The following C2orf42 variants were observed in gnomAD, a reference collection of about 807,000 sequenced individuals.
C2orf42 encodes the protein uncharacterized protein C2orf42.
C2orf42 carries 44 observed loss-of-function variants against 58.9 expected under a neutral mutation model. The ratio of observed to expected loss-of-function variants is 0.75; its 90% CI spans 0.59 to 0.96. The LOEUF (loss-of-function observed/expected upper bound fraction) is 0.96, where lower values mean the gene tolerates loss of function less well. C2orf42 is among the 40% of genes least tolerant of loss of function. The pLI is 0.00. For synonymous variants in C2orf42, 239 were observed against 265.4 expected (o/e 0.90, Z 0.97); for missense variants, 630 against 699.2 (o/e 0.90, Z 1.12).
intron 5 of C2orf42, among the ~76,000 whole-genome samples, chr2:70,175,188 C>T (rs904021133): frequency 6.6e-6 from 1 of 152,204 alleles, no homozygotes; most frequent in African/African-American, 2.4e-5. Context: ...CCTCGAACTG[C>T]TGGCCTCAAG....
At chr2:70,150,587 A>G in intron 9 of C2orf42, 23 bp from the exon 10 acceptor site, 1 of 1,573,068 alleles carries the variant, frequency 6.4e-7, no homozygotes, top group Admixed American at 1.7e-5. Context: ...AAGGAGTATT[A>G]GTACAATTCC....
At position 70,160,814 on chromosome 2, in the gene C2orf42, A is replaced by C. The variant is rs202118682; in HGVS notation, c.1354-27T>G. On this transcript the variant is annotated intron_variant, in intron 8 of 9. Coordinates refer to ENST00000264434, the MANE Select transcript of C2orf42 (RefSeq NM_017880.3). ...TGGACACCAAGACAATACCAAAAAA[A>C]GGTGAGAGAGAAAACTTTCAAAACA... The C allele has an allele frequency of 7.9e-6, 12 of 1,517,756 alleles. No homozygotes were observed. The South Asian group carries it at 1.0e-4, about 13-fold the overall frequency. 94.0% of individuals were successfully genotyped at this position (1,517,756 alleles called of 1,614,324 possible).
At chr2:70,177,775 C>A (rs752997596) in intron 4 of C2orf42, among the ~76,000 whole-genome samples, 3 of 152,208 alleles carry the variant, frequency 2.0e-5, no homozygotes, top group Non-Finnish European at 4.4e-5. Context: ...GTGGCTTACA[C>A]CTGTAATTCC....
chr2:70,162,254 G>A (rs1234310827), intron 8 of C2orf42, among the ~76,000 whole-genome samples: 1 of 151,744 alleles, frequency 6.6e-6, no homozygotes, highest in Non-Finnish European at 1.5e-5. Flanking sequence ...CAGGTGATCT[G>A]CCCACCTTGG....
intron 5 of C2orf42, 118 bp downstream of exon 5, chr2:70,175,555 C>G: frequency 1.4e-6 from 1 of 736,844 alleles, no homozygotes; most frequent in East Asian, 2.5e-5. Flanking sequence ...AGCCTCAGTG[C>G]TTCTGTTAGT....
At chr2:70,180,607 CAA>C (rs59381817) in intron 3 of C2orf42, among the ~76,000 whole-genome samples, 4 of 57,062 alleles carry the variant, frequency 7.0e-5, no homozygotes, top group Admixed American at 2.3e-4. Flanking sequence ...GATTCTGTCT[CAA>C]AAAAAAAAAA....
rs1375679803 is a variant in C2orf42, at chr2:70,181,826, C to A, written c.160G>T (p.Gly54Cys). 4 of 1,614,000 alleles carry A rather than the reference C, an allele frequency of 2.5e-6. No homozygotes were observed. The highest frequency in any genetic ancestry group is 3.4e-6 in the Non-Finnish European group (4 of 1,180,032). ...TCAACACTAGGCTGCTTGCGTGCACCGTAGCGGAATATGGTTCCACATGTC... is the reference window on the plus strand; with the variant it reads ...TCAACACTAGGCTGCTTGCGTGCACAGTAGCGGAATATGGTTCCACATGTC... ...NKTCGTIFRY[G>C]ARKQPSVEAV... The change falls in exon 3 of 10, where the codon GGT becomes TGT. Residue 54 changes from glycine to cysteine, a missense_variant. By Grantham distance (159) the Gly-to-Cys change is radical. Coordinates refer to ENST00000264434, the MANE Select transcript of C2orf42 (RefSeq NM_017880.3).
At chr2:70,151,087 C>T (rs879813010) in intron 9 of C2orf42, among the ~76,000 whole-genome samples, 3 of 152,188 alleles carry the variant, frequency 2.0e-5, no homozygotes, top group Admixed American at 1.3e-4. Flanking sequence ...CATGGTAGTT[C>T]ATGCCTGTAA....
chr2:70,156,667 G>A (rs976020680), intron 9 of C2orf42, among the ~76,000 whole-genome samples: 13 of 151,996 alleles, frequency 8.6e-5, no homozygotes, highest in Admixed American at 5.3e-4. Context: ...CAAGACCAGC[G>A]TGGGCAACAG....
In C2orf42 at chr2:70,175,705, T is replaced by G. The variant is rs140054933; in HGVS notation, c.1007A>C (p.Lys336Thr). 2.2e-5 allele frequency: 36 copies of G among 1,612,492 alleles called. No individual in the cohort carries two copies. Among genetic ancestry groups the G allele is most frequent in the Non-Finnish European group, 2.9e-5 (34 of 1,178,668 alleles). Residue 336 changes from lysine (K) to threonine (T), a missense_variant, in exon 5 of 10, where the codon AAG becomes ACG. Coordinates refer to ENST00000264434, the MANE Select transcript of C2orf42 (RefSeq NM_017880.3). The stretch of plus-strand genomic sequence containing the variant: ...TTTTAACGAGGAAGCAACCACAGGC[T>G]TTTTCAGGCCACTTTTCCTTAGATT... ...SSNLRKSGLK[K>T]PVVASSLKRQ... is the part of the protein sequence containing the mutation.
At chr2:70,175,054 T>C (rs1674095574) in intron 5 of C2orf42, among the ~76,000 whole-genome samples, 1 of 152,178 alleles carries the variant, frequency 6.6e-6, no homozygotes, top group African/African-American at 2.4e-5. Flanking sequence ...TTTTTAAAAA[T>C]TATTTTTTTA....
chr2:70,176,084 T>C (rs1468808649), intron 4 of C2orf42, among the ~76,000 whole-genome samples: 2 of 152,232 alleles, frequency 1.3e-5, no homozygotes, highest in African/African-American at 2.4e-5. Context: ...GAATATGTTA[T>C]TGGTTTTGTG....
rs1466693233 is a variant in C2orf42 at position 70,165,075 on chromosome 2, T to G, written c.1353+17A>C. Reference sequence around the variant, plus strand: ...TCCCTTCACAACCCTCCCACTGTTATAGAAATAAACTCTCACCTCTGGGGT... The same window carrying G: ...TCCCTTCACAACCCTCCCACTGTTAGAGAAATAAACTCTCACCTCTGGGGT... On this transcript the variant is annotated intron_variant, in intron 8 of 9. Transcript: ENST00000264434. 2 of 1,389,206 alleles carry G rather than the reference T, an allele frequency of 1.4e-6. No homozygotes were observed. The highest frequency in any genetic ancestry group is 3.6e-5 in the Admixed American group (2 of 55,384). The allele number at this position is 1,389,206 out of a possible 1,614,324, so 86.1% of individuals were successfully genotyped here.
At chr2:70,151,401 T>G (rs918543484) in intron 9 of C2orf42, among the ~76,000 whole-genome samples, 1 of 151,984 alleles carries the variant, frequency 6.6e-6, no homozygotes, top group African/African-American at 2.4e-5. Context: ...TGTGGGAGGC[T>G]GAGGTGGGCG....
intron 8 of C2orf42, among the ~76,000 whole-genome samples, chr2:70,161,632 G>A (rs1320868440): frequency 1.3e-5 from 2 of 151,974 alleles, no homozygotes; most frequent in African/African-American, 4.8e-5. Flanking sequence ...CCTGAGGTCG[G>A]GAGTTTGAGA....
rs1672246271 is a variant in C2orf42 at position 70,150,556 on chromosome 2, A to G, written c.1525T>C (p.Ser509Pro). 1 of 1,612,374 alleles carries G rather than the reference A, an allele frequency of 6.2e-7. No individual in the cohort carries two copies. Residue 509 changes from serine to proline, a missense_variant, in exon 10 of 10, where the codon TCC (serine) becomes CCC (proline). By Grantham distance (74) the Ser-to-Pro change is moderately conservative. Coordinates refer to ENST00000264434, the MANE Select transcript of C2orf42 (RefSeq NM_017880.3). ...LKTFLKVGNT[S>P]PDQKEPTPFI... Reference sequence around the variant, plus strand: ...GGTGTTGGCTCCTTTTGATCTGGGGAAGTGTTGCCTAAAGAGAAGAAAGGA... The same window carrying G: ...GGTGTTGGCTCCTTTTGATCTGGGGGAGTGTTGCCTAAAGAGAAGAAAGGA...
chr2:70,187,722 A>C (rs1357525123), intron 1 of C2orf42, among the ~76,000 whole-genome samples: 1 of 151,072 alleles, frequency 6.6e-6, no homozygotes, highest in African/African-American at 2.4e-5. Context: ...ACGGAGTCTC[A>C]CTTTGTCACC....
chr2:70,153,421 C>T (rs1672434625), intron 9 of C2orf42, among the ~76,000 whole-genome samples: 2 of 145,888 alleles, frequency 1.4e-5, no homozygotes, highest in African/African-American at 5.1e-5. Flanking sequence ...TGTAGTGGTG[C>T]GATCTCGGCT....
At chr2:70,168,720 CTTT>C (rs11380285) in intron 6 of C2orf42, among the ~76,000 whole-genome samples, 2 of 142,808 alleles carry the variant, frequency 1.4e-5, no homozygotes, top group African/African-American at 2.6e-5. Flanking sequence ...GTTTATGTCC[CTTT>C]TTTTTTTTTT....
Sources: gnomAD v4.1 joint callset for allele counts (sites outside exome capture counted in the v4.1 genomes callset) on GRCh38, gnomAD v4.1.1 for gene constraint, MANE v1.5 for transcripts, NCBI Gene and HGNC (gene_info 2026-07-23, HGNC 2026-07-21) for gene names.